The following QSOX2 variants were observed in gnomAD, a reference collection of about 807,000 sequenced individuals.
QSOX2 encodes the protein sulfhydryl oxidase 2.
In QSOX2, 46 loss-of-function variants were observed where a neutral mutation model predicts 61.7. The ratio of observed to expected loss-of-function variants is 0.75; its 90% CI spans 0.59 to 0.95. The LOEUF is 0.95. QSOX2 is among the 40% of genes least tolerant of loss of function. The pLI, the probability that QSOX2 is intolerant of heterozygous loss-of-function variation, is 0.00. For missense variants in QSOX2, 879 were observed against 918.9 expected (o/e 0.96, Z 0.56); for synonymous variants, 383 against 388.4 (o/e 0.99, Z 0.16).
chr9:136,219,309 C>T, intron 6 of QSOX2, 145 bp from the exon 7 acceptor site: 1 of 1,002,516 alleles, frequency 1.0e-6, no homozygotes, highest in Non-Finnish European at 1.4e-6. Context: ...GAACAGCTGA[C>T]ACCCCGCCTG....
intron 10 of QSOX2, among the ~76,000 whole-genome samples, chr9:136,212,801 G>A (rs1831863130): frequency 1.3e-5 from 2 of 152,230 alleles, no homozygotes; most frequent in Non-Finnish European, 2.9e-5. Context: ...GCCTTCACAG[G>A]CATTTTACTA....
At position 136,215,283 on chromosome 9, in the gene QSOX2, T is replaced by C. The variant is rs536279838; in HGVS notation, c.1231A>G (p.Asn411Asp). The C allele has an allele frequency of 1.3e-5, 21 of 1,613,050 alleles. No homozygotes were observed. The South Asian group carries it at 2.3e-4, about 18-fold the overall frequency. Residue 411 changes from asparagine to aspartate, a missense_variant, in exon 10 of 12, where the codon AAT (asparagine) becomes GAT (aspartate). Coordinates refer to ENST00000358701, the MANE Select transcript of QSOX2 (RefSeq NM_181701.4). ...KMRISGIFLT[N>D]HIKWVGCQGS... ...TGACATCCAACCCACTTTATGTGAT[T>C]AGTAAGGAATATTCCAGAAATCTGA...
chr9:136,225,991 C>T (rs555945178), intron 2 of QSOX2, among the ~76,000 whole-genome samples: 2 of 152,178 alleles, frequency 1.3e-5, no homozygotes, highest in African/African-American at 2.4e-5. Flanking sequence ...GGGCTGACAC[C>T]GGTGCCGCCC....
intron 1 of QSOX2, among the ~76,000 whole-genome samples, chr9:136,244,757 G>A (rs1272504795): frequency 6.6e-6 from 1 of 152,240 alleles, no homozygotes; most frequent in East Asian, 1.9e-4. Flanking sequence ...ATAAAGTGCG[G>A]AACACTACCA....
chr9:136,218,900 G>A, intron 7 of QSOX2, 92 bp from the exon 8 acceptor site: 1 of 1,570,638 alleles, frequency 6.4e-7, no homozygotes, highest in East Asian at 2.3e-5. Flanking sequence ...GACTCCCAGG[G>A]CCCCTGGGAG....
At chr9:136,211,134 C>G in intron 11 of QSOX2, 130 bp downstream of exon 11, 1 of 1,033,608 alleles carries the variant, frequency 9.7e-7, no homozygotes, top group Non-Finnish European at 1.4e-6. Flanking sequence ...CTGATCCCGT[C>G]AGCACAGTGG....
rs755898076 is a variant in QSOX2 at position 136,215,207 on chromosome 9, A to G, written c.1307T>C (p.Phe436Ser). The change falls in exon 10 of 12, where the codon TTC becomes TCC. Residue 436 changes from phenylalanine to serine, a missense_variant. Transcript: ENST00000358701. ...RGYPCSLWKL[F>S]HTLTVEASTH... ...CGAGGCTTCAACAGTCAAAGTGTGG[A>G]ACAGTTTCCAGAGAGAACACGGGTA... is the stretch of plus-strand genomic sequence containing the variant. The G allele has an allele frequency of 9.9e-6, 16 of 1,614,122 alleles. No individual in the cohort carries two copies. Among genetic ancestry groups the G allele is most frequent in the Non-Finnish European group, 1.4e-5 (16 of 1,180,040 alleles).
chr9:136,215,005 G>T, intron 10 of QSOX2, 149 bp downstream of exon 10: 1 of 926,274 alleles, frequency 1.1e-6, no homozygotes, highest in Non-Finnish European at 1.5e-6. Flanking sequence ...AGCTGACCGT[G>T]TGAGAGGAGT....
chr9:136,219,954 A>T (rs1831961413), intron 6 of QSOX2, among the ~76,000 whole-genome samples: 1 of 152,184 alleles, frequency 6.6e-6, no homozygotes, highest in Non-Finnish European at 1.5e-5. Flanking sequence ...CCAGGCCCCC[A>T]AGCACTCAGA....
At chr9:136,234,325 G>T (rs1184915709) in intron 1 of QSOX2, among the ~76,000 whole-genome samples, 1 of 152,224 alleles carries the variant, frequency 6.6e-6, no homozygotes. Flanking sequence ...TTTTTGGGGA[G>T]TCGCAGGTTA....
intron 8 of QSOX2, among the ~76,000 whole-genome samples, chr9:136,217,020 G>A (rs1211379633): frequency 6.6e-6 from 1 of 152,238 alleles, no homozygotes; most frequent in Non-Finnish European, 1.5e-5. Flanking sequence ...CAGGTGACAG[G>A]CAAGGTCACG....
chr9:136,209,038 G>C lies in QSOX2; in HGVS notation c.1787C>G (p.Pro596Arg). 6.2e-7 allele frequency: 1 copy of C among 1,614,096 alleles called. No homozygotes were observed. Among genetic ancestry groups the C allele is most frequent in the Non-Finnish European group, 8.5e-7 (1 of 1,179,992 alleles). Residue 596 changes from proline to arginine, a missense_variant, in exon 12 of 12, where the codon CCC (proline) becomes CGC (arginine). Transcript: ENST00000358701. This position sits in a 1 kb window ranked among gnomAD's most constrained non-coding sequence, Gnocchi z 5.6. ...RGEEEEKRLTPPEVSHGDRDT... is the reference protein window; with the variant it reads ...RGEEEEKRLTRPEVSHGDRDT... The stretch of plus-strand genomic sequence containing the variant: ...TCGGTCTCCATGGGACACCTCTGGG[G>C]GAGTGAGTCTTTTCTCCTCTTCCTC...
Position 136,208,830 on chromosome 9 carries a change from G to C in QSOX2, c.1995C>G (p.Val665=), listed in dbSNP as rs748969464. 5 of 1,613,922 alleles carry C rather than the reference G, an allele frequency of 3.1e-6. No individual in the cohort carries two copies. Among genetic ancestry groups the C allele is most frequent in the Non-Finnish European group, 4.2e-6 (5 of 1,180,024 alleles). ...ACAGGGATGAAGCCACGTACAGCAC[G>C]ACACAGAGACTCATGTCCAGGCTGG... The part of the protein sequence containing the change: ...DFSSLDMSLC[V]VLYVASSLFL... The change falls in exon 12 of 12, where the codon GTC becomes GTG. Residue 665 remains valine, a synonymous_variant. Coordinates refer to ENST00000358701, the MANE Select transcript of QSOX2 (RefSeq NM_181701.4).
In QSOX2 at chr9:136,221,912, G is replaced by C. The variant is rs1830219728; in HGVS notation, c.705C>G (p.Ser235Arg). 1 of 1,609,290 alleles carries C rather than the reference G, an allele frequency of 6.2e-7. No homozygotes were observed. The highest frequency in any genetic ancestry group is 1.3e-5 in the African/African-American group (1 of 74,908). The change falls in exon 6 of 12, where the codon AGC becomes AGG. Residue 235 changes from serine to arginine, a missense_variant. Transcript: ENST00000358701. The surrounding 1 kb of genome is among the most constrained non-coding windows in gnomAD (Gnocchi z 4.5). The stretch of plus-strand genomic sequence containing the variant: ...CGTCCAGTGCTCGGGTCACCACGAT[G>C]CTTTCATACGGGATCAGGTCTAAGA... ...EVILDLIPYE[S>R]IVVTRALDGD...
At chr9:136,213,607 T>C (rs1054060066) in intron 10 of QSOX2, among the ~76,000 whole-genome samples, 4 of 149,730 alleles carry the variant, frequency 2.7e-5, no homozygotes, top group South Asian at 2.1e-4. Flanking sequence ...CAATATCACC[T>C]TGAGGAGGGC....
rs1712904936 is a variant in QSOX2 at position 136,224,964 on chromosome 9, G to A, written c.430-55C>T. On this transcript the variant is annotated intron_variant, in intron 2 of 11. Transcript: ENST00000358701. ...GGCAGCCTTCCATGGGCATCTGCAT[G>A]TGTTTAAGCAACAAAACGCCCGTCA... 1.2e-5 allele frequency: 17 copies of A among 1,375,204 alleles called. 1 individual carries two copies. The South Asian group carries it at 2.1e-4, about 17-fold the overall frequency. The allele number at this position is 1,375,204 out of a possible 1,614,324, so 85.2% of individuals were successfully genotyped here.
intron 10 of QSOX2, among the ~76,000 whole-genome samples, chr9:136,212,173 A>G (rs1831854547): frequency 6.6e-6 from 1 of 152,184 alleles, no homozygotes; most frequent in Non-Finnish European, 1.5e-5. Context: ...ACACCTGCCC[A>G]CAGGTGGCAG....
Position 136,211,336 on chromosome 9 carries a change from A to T in QSOX2, c.1477T>A (p.Ser493Thr), listed in dbSNP as rs776136958. The part of the protein sequence containing the change: ...FEEMAKESMD[S>T]VKTPDQAILW... ...ATGGCTTGGTCTGGGGTTTTCACCGAGTCCATGGATTCTTTAGCCATTTCC... is the reference window on the plus strand; with the variant it reads ...ATGGCTTGGTCTGGGGTTTTCACCGTGTCCATGGATTCTTTAGCCATTTCC... The change falls in exon 11 of 12, where the codon TCG becomes ACG. Residue 493 changes from serine (S) to threonine (T), a missense_variant. Ser to Thr is a moderately conservative substitution (Grantham distance 58, BLOSUM62 1). Transcript: ENST00000358701. The T allele has an allele frequency of 1.9e-6, 3 of 1,614,100 alleles. No individual in the cohort carries two copies. The African/African-American group carries it at 4.0e-5, about 22-fold the overall frequency.
At chr9:136,217,296 ACT>A (rs958321367) in intron 8 of QSOX2, among the ~76,000 whole-genome samples, 4 of 151,962 alleles carry the variant, frequency 2.6e-5, no homozygotes, top group African/African-American at 9.7e-5. Context: ...TTTAGGAGAA[ACT>A]CTGATCAGCT....
Sources: allele counts gnomAD v4.1 joint callset (sites outside exome capture counted in the v4.1 genomes callset), GRCh38; gene constraint gnomAD v4.1.1; non-coding constraint Gnocchi (gnomAD v3.1); transcripts MANE v1.5; gene names NCBI Gene and HGNC (gene_info 2026-07-23, HGNC 2026-07-21).